The following LPP variants were observed in gnomAD, a reference collection of about 807,000 sequenced individuals.
LPP encodes the protein lipoma-preferred partner.
A neutral mutation model predicts 60.4 loss-of-function variants in LPP; 38 were observed. The observed-to-expected ratio is 0.63, with a 90% CI of 0.49 to 0.83. The LOEUF is 0.83. Among genes scored for constraint, LPP ranks in the 40% least tolerant of loss-of-function variants. LPP has a pLI of 0.00. For synonymous variants in LPP, 328 were observed against 290.8 expected (o/e 1.13, Z -1.30); for missense variants, 902 against 783.6 (o/e 1.15, Z -1.80).
intron 3 of LPP, among the ~76,000 whole-genome samples, chr3:188,375,637 T>G (rs1314458151): frequency 6.6e-6 from 1 of 152,134 alleles, no homozygotes; most frequent in Non-Finnish European, 1.5e-5. Context: ...TCGGTTTTGT[T>G]TATCTTTTAA....
At chr3:188,793,781 GCAA>G in intron 9 of LPP, among the ~76,000 whole-genome samples, 1 of 152,030 alleles carries the variant, frequency 6.6e-6, no homozygotes, top group Non-Finnish European at 1.5e-5. Flanking sequence ...ATTGTAGGTG[GCAA>G]CCAGGTACAT....
intron 3 of LPP, among the ~76,000 whole-genome samples, chr3:188,389,228 CCT>C (rs1779101180): frequency 6.6e-6 from 1 of 152,044 alleles, no homozygotes; most frequent in Non-Finnish European, 1.5e-5. Flanking sequence ...ACTTATTTCA[CCT>C]CTCTGTCACC....
At chr3:188,732,050 T>A (rs1490594736) in intron 8 of LPP, among the ~76,000 whole-genome samples, 2 of 152,144 alleles carry the variant, frequency 1.3e-5, no homozygotes, top group Non-Finnish European at 2.9e-5. Flanking sequence ...CCGACTCCCA[T>A]CCTAATCTTG....
chr3:188,603,023 AAATAATAATAATAAT>A lies in LPP; in HGVS notation c.430-6110_430-6096del, dbSNP rs57026715. Among the ~76,000 whole-genome samples, 988 of 146,604 alleles carry A rather than the reference AAATAATAATAATAAT, an allele frequency of 6.7e-3. 10 individuals are homozygous for A. The highest frequency in any genetic ancestry group is 0.022 in the African/African-American group (867 of 39,992). On this transcript the variant is annotated intron_variant, in intron 6 of 11. Coordinates refer to ENST00000617246, the MANE Select transcript of LPP (RefSeq NM_001375462.1). ...GTTTTATTTCTCTTCCTTGTGTTTG[AAATAATAATAATAAT>A]AATAATAATAATAATAATAATAATA...
At chr3:188,476,003 C>G (rs933856155) in intron 4 of LPP, among the ~76,000 whole-genome samples, 1 of 152,120 alleles carries the variant, frequency 6.6e-6, no homozygotes, top group Non-Finnish European at 1.5e-5. Context: ...AAGTCTTTCC[C>G]CAAATATCAC....
chr3:188,441,860 A>G (rs915873943), intron 4 of LPP, among the ~76,000 whole-genome samples: 6 of 151,302 alleles, frequency 4.0e-5, no homozygotes, highest in Admixed American at 6.6e-5. Flanking sequence ...TCCTGACCTC[A>G]TGATCCGCCC....
At chr3:188,431,504 A>G (rs909123696) in intron 4 of LPP, among the ~76,000 whole-genome samples, 2 of 152,180 alleles carry the variant, frequency 1.3e-5, no homozygotes, top group Admixed American at 6.5e-5. Flanking sequence ...TGTTGTGAAT[A>G]TAATCTCAGA....
At chr3:188,201,891 G>C (rs1327373447) in intron 1 of LPP, among the ~76,000 whole-genome samples, 1 of 152,030 alleles carries the variant, frequency 6.6e-6, no homozygotes, top group Non-Finnish European at 1.5e-5. Flanking sequence ...GACTACGAGT[G>C]TGCTTGATGA....
intron 6 of LPP, among the ~76,000 whole-genome samples, chr3:188,561,979 A>G (rs1175510610): frequency 1.3e-5 from 2 of 152,104 alleles, no homozygotes; most frequent in East Asian, 3.9e-4. Flanking sequence ...GTTGGCGTTA[A>G]GGTTGAGAAG....
intron 4 of LPP, among the ~76,000 whole-genome samples, chr3:188,467,463 G>A (rs143093484): frequency 6.6e-6 from 1 of 151,990 alleles, no homozygotes; most frequent in East Asian, 1.9e-4. Flanking sequence ...CCTTCTTATG[G>A]TATGTTGTGG....
At chr3:188,207,212 C>CTTTTTTTTTTTTTTTTTT (rs5855184) in intron 1 of LPP, among the ~76,000 whole-genome samples, 1 of 129,334 alleles carries the variant, frequency 7.7e-6, no homozygotes. Flanking sequence ...TACACATTTT[C>CTTTTTTTTTTTTTTTTTT]TTTTTTTTTT....
At chr3:188,177,912 C>T (rs758204275) in intron 1 of LPP, among the ~76,000 whole-genome samples, 2 of 152,164 alleles carry the variant, frequency 1.3e-5, no homozygotes, top group African/African-American at 2.4e-5. Flanking sequence ...GAAGATGTGA[C>T]GATGTGCATA....
At chr3:188,541,555 T>TA (rs573228116) in intron 6 of LPP, among the ~76,000 whole-genome samples, 13,479 of 144,264 alleles carry the variant, frequency 0.093, 1,490 homozygotes, top group African/African-American at 0.27. Flanking sequence ...AGATGCCCTT[T>TA]AAAAAAAAAA....
At chr3:188,782,649 T>C (rs1294507468) in intron 9 of LPP, among the ~76,000 whole-genome samples, 1 of 151,748 alleles carries the variant, frequency 6.6e-6, no homozygotes, top group African/African-American at 2.4e-5. Context: ...TCCTAGCCTC[T>C]CTCTCCTGTT....
intron 4 of LPP, among the ~76,000 whole-genome samples, chr3:188,465,041 A>T (rs1324217885): frequency 6.6e-6 from 1 of 151,988 alleles, no homozygotes; most frequent in East Asian, 1.9e-4. Flanking sequence ...AGTAGAACAA[A>T]AGGGGATACC....
intron 7 of LPP, among the ~76,000 whole-genome samples, chr3:188,626,089 G>C (rs1330226334): frequency 6.6e-6 from 1 of 152,076 alleles, no homozygotes; most frequent in East Asian, 1.9e-4. Context: ...GCTTATCACT[G>C]TGGAAATAAC....
In LPP at chr3:188,222,799, T is replaced by C. The variant is rs560831657; in HGVS notation, c.-189-2606T>C. Among the ~76,000 whole-genome samples, 4 of 152,310 alleles carry C rather than the reference T, an allele frequency of 2.6e-5. No homozygotes were observed. The South Asian group carries it at 6.2e-4, about 24-fold the overall frequency. On this transcript the variant is annotated intron_variant, in intron 1 of 11. Coordinates refer to ENST00000617246, the MANE Select transcript of LPP (RefSeq NM_001375462.1). ...GCTCATAAAGTGTCTTGTTTTGAGC[T>C]CCTTTAACTGTACTCATTCATCAGC...
At chr3:188,746,666 G>T (rs1007176623) in intron 8 of LPP, 2 of 398,344 alleles carry the variant, frequency 5.0e-6, no homozygotes, top group Non-Finnish European at 1.0e-5. Context: ...GGACTTACAT[G>T]GTTTCTGGGA....
chr3:188,509,492 C>A (rs1426959151), intron 5 of LPP, among the ~76,000 whole-genome samples: 1 of 152,146 alleles, frequency 6.6e-6, no homozygotes, highest in East Asian at 1.9e-4. Context: ...ACAGAGTTTG[C>A]AGTTGACAGT....
Sources: allele counts gnomAD v4.1 joint callset (sites outside exome capture counted in the v4.1 genomes callset), GRCh38; gene constraint gnomAD v4.1.1; transcripts MANE v1.5; gene names NCBI Gene and HGNC (gene_info 2026-07-23, HGNC 2026-07-21).